The following TIPRL variants were observed in gnomAD, a reference collection of about 807,000 sequenced individuals.
TIPRL encodes the protein TOR signaling pathway regulator.
Under a neutral mutation model 32.3 loss-of-function variants are expected in TIPRL, and 10 were observed. That is an observed-to-expected ratio of 0.31 (90% CI 0.19 to 0.52). The LOEUF (loss-of-function observed/expected upper bound fraction) is 0.52. Ranked by LOEUF, TIPRL falls within the 20% of genes least tolerant of loss-of-function variation. The pLI is 0.96. For missense variants in TIPRL, 250 were observed against 328.1 expected (o/e 0.76, Z 1.84); for synonymous variants, 100 against 114.0 (o/e 0.88, Z 0.78).
At chr1:168,191,858 C>CG (rs1558164787) in intron 4 of TIPRL, among the ~76,000 whole-genome samples, 9 of 38,908 alleles carry the variant, frequency 2.3e-4, no homozygotes, top group South Asian at 1.9e-3. Context: ...GGCGACAGAG[C>CG]AAAAAAAAAA....
intron 3 of TIPRL, among the ~76,000 whole-genome samples, chr1:168,187,504 G>C (rs922040240): frequency 3.9e-5 from 6 of 152,206 alleles, no homozygotes; most frequent in Non-Finnish European, 8.8e-5. Context: ...GCTGATAAAT[G>C]TCAATGTGAT....
At chr1:168,190,724 G>T (rs985912440) in intron 3 of TIPRL, among the ~76,000 whole-genome samples, 2 of 152,312 alleles carry the variant, frequency 1.3e-5, no homozygotes, top group African/African-American at 2.4e-5. Flanking sequence ...ATGAGCTCCT[G>T]ATATGATCTG....
intron 4 of TIPRL, among the ~76,000 whole-genome samples, chr1:168,195,298 C>A (rs1169584491): frequency 6.6e-6 from 1 of 152,202 alleles, no homozygotes; most frequent in Non-Finnish European, 1.5e-5. Context: ...AATTCTCCTT[C>A]CCATCTCTAG....
chr1:168,199,856 T>G lies in TIPRL; in HGVS notation c.676-47T>G, dbSNP rs551185299. The stretch of plus-strand genomic sequence containing the variant: ...TTGAACCAAAACATTTGTAAAAAAT[T>G]TCAGTACAGTAACTGAATATGCTAA... On this transcript the variant is annotated intron_variant, in intron 6 of 6. Transcript: ENST00000367833. 22 of 1,551,822 alleles carry G rather than the reference T, an allele frequency of 1.4e-5. No homozygotes were observed. The Admixed American group carries it at 3.0e-4, about 21-fold the overall frequency.
Position 168,198,974 on chromosome 1 carries a change from G to A in TIPRL, c.668G>A (p.Ser223Asn). 1 of 1,610,530 alleles carries A rather than the reference G, an allele frequency of 6.2e-7. No homozygotes were observed. The highest frequency in any genetic ancestry group is 1.1e-5 in the South Asian group (1 of 90,718). The change falls in exon 6 of 7, where the codon AGT becomes AAT. Residue 223 changes from serine (S) to asparagine (N), a missense_variant. Ser to Asn is a conservative substitution (Grantham distance 46). Coordinates refer to ENST00000367833, the MANE Select transcript of TIPRL (RefSeq NM_152902.5). ...ACGTCACGAGAAAGCAAAATTTCTA[G>A]TTTGATGGCAAGTACTTAAATTTCA... is the stretch of plus-strand genomic sequence containing the variant. ...EYTSRESKISSLMHVPPSLFT... is the reference protein window; with the variant it reads ...EYTSRESKISNLMHVPPSLFT...
In TIPRL at chr1:168,184,878, G is replaced by A. The variant is rs1393144199; in HGVS notation, c.384G>A (p.Lys128=). The A allele has an allele frequency of 6.3e-7, 1 of 1,584,912 alleles. No individual in the cohort carries two copies. Among genetic ancestry groups the A allele is most frequent in the Non-Finnish European group, 8.7e-7 (1 of 1,155,946 alleles). Residue 128 remains lysine (K), a splice_region_variant and synonymous_variant, in exon 3 of 7, where the codon AAG becomes AAA. Transcript: ENST00000367833. ...TACTTGGAGAATCTCTTAAGTTAAA[G>A]GTAAATCTTACTTTTTTCTTTCATG... is the stretch of plus-strand genomic sequence containing the variant. ...GTLLGESLKL[K]VVPTTDHIDT... is the part of the protein sequence containing the mutation.
At chr1:168,189,269 T>G (rs909668568) in intron 3 of TIPRL, among the ~76,000 whole-genome samples, 1 of 152,208 alleles carries the variant, frequency 6.6e-6, no homozygotes, top group African/African-American at 2.4e-5. Context: ...AGTTTTTGGG[T>G]TTTTTTAGCC....
At position 168,179,047 on chromosome 1, in the gene TIPRL, C is replaced by T. The variant is rs753774115; in HGVS notation, c.-31C>T. ...GCCGCCGCCGCTGCTTCAGCTTATTCCTTGTGGCCTCTGCGGGTCCTGCCT... is the reference window on the plus strand; with the variant it reads ...GCCGCCGCCGCTGCTTCAGCTTATTTCTTGTGGCCTCTGCGGGTCCTGCCT... On this transcript the variant is annotated 5_prime_UTR_variant, in exon 1 of 7. Transcript: ENST00000367833. 1.9e-6 allele frequency: 3 copies of T among 1,598,534 alleles called. No homozygotes were observed. In the South Asian group the frequency reaches 3.3e-5, roughly 18 times the overall value.
chr1:168,185,114 C>T (rs1475640757), intron 3 of TIPRL, among the ~76,000 whole-genome samples: 2 of 152,168 alleles, frequency 1.3e-5, no homozygotes, highest in Non-Finnish European at 2.9e-5. Flanking sequence ...CAACGGCAGA[C>T]GGCCTTGTTG....
chr1:168,180,922 C>G (rs1479541976), intron 1 of TIPRL, among the ~76,000 whole-genome samples: 1 of 151,138 alleles, frequency 6.6e-6, no homozygotes, highest in East Asian at 1.9e-4. Flanking sequence ...CCTTGGCCCC[C>G]CAAAGTGCCG....
chr1:168,185,286 G>A (rs1700013060), intron 3 of TIPRL, among the ~76,000 whole-genome samples: 1 of 152,200 alleles, frequency 6.6e-6, no homozygotes, highest in Non-Finnish European at 1.5e-5. Flanking sequence ...TTTATGCCCT[G>A]TCTGCCCTGA....
At position 168,191,507 on chromosome 1, in the gene TIPRL, A is replaced by G. The variant is rs373966884; in HGVS notation, c.516+7A>G. ...AAGCCTGAGTGTGAAGATTGTGAGT[A>G]TTATTTTTATTTAAAATTAATATTT... On this transcript the variant is annotated splice_region_variant and intron_variant, in intron 4 of 6. Transcript: ENST00000367833. 1,531 of 1,471,718 alleles carry G rather than the reference A, an allele frequency of 1.0e-3. 36 individuals carry two copies. In the South Asian group the frequency reaches 0.021, roughly 21 times the overall value. The allele number at this position is 1,471,718 out of a possible 1,614,324, so 91.2% of individuals were successfully genotyped here.
At chr1:168,196,013 G>C (rs1284116625) in intron 4 of TIPRL, among the ~76,000 whole-genome samples, 1 of 152,184 alleles carries the variant, frequency 6.6e-6, no homozygotes, top group Non-Finnish European at 1.5e-5. Flanking sequence ...GGAATTTGTA[G>C]ATGTGCCACA....
At chr1:168,186,317 G>A (rs895097168) in intron 3 of TIPRL, among the ~76,000 whole-genome samples, 1 of 151,824 alleles carries the variant, frequency 6.6e-6, no homozygotes, top group African/African-American at 2.4e-5. Context: ...CCAACATAGT[G>A]AGACCGCACC....
chr1:168,196,710 C>A, intron 5 of TIPRL, 68 bp downstream of exon 5: 4 of 1,126,106 alleles, frequency 3.6e-6, no homozygotes, highest in Non-Finnish European at 5.0e-6. Context: ...AATTGTCAAT[C>A]TGAGAATTTG....
chr1:168,191,702 C>T (rs1700098477), intron 4 of TIPRL, among the ~76,000 whole-genome samples: 2 of 151,718 alleles, frequency 1.3e-5, no homozygotes, highest in Non-Finnish European at 1.5e-5. Flanking sequence ...GAAACCCCGT[C>T]TCTACTAAAA....
In TIPRL at chr1:168,196,529, C is replaced by CTTTT; in HGVS notation, c.517-8_517-5dup. 8.0e-7 allele frequency: 1 copy of CTTTT among 1,255,898 alleles called. No homozygotes were observed. Among genetic ancestry groups the CTTTT allele is most frequent in the Non-Finnish European group, 1.1e-6 (1 of 936,526 alleles). 77.8% of individuals were successfully genotyped at this position (1,255,898 alleles called of 1,614,324 possible). On this transcript the variant is annotated splice_polypyrimidine_tract_variant and intron_variant, in intron 4 of 6. Coordinates refer to ENST00000367833, the MANE Select transcript of TIPRL (RefSeq NM_152902.5). ...AATTTTTATTAAAATATTAATGTAC[C>CTTTT]TTTTTTTTTTTTTCCAGAGAGTAAT...
At chr1:168,182,114 A>G (rs1480565508) in intron 1 of TIPRL, among the ~76,000 whole-genome samples, 1 of 152,140 alleles carries the variant, frequency 6.6e-6, no homozygotes, top group Non-Finnish European at 1.5e-5. Context: ...GACAAAAGGA[A>G]GACTTACCCT....
At chr1:168,187,179 A>C (rs1023829414) in intron 3 of TIPRL, among the ~76,000 whole-genome samples, 1 of 152,218 alleles carries the variant, frequency 6.6e-6, no homozygotes, top group South Asian at 2.1e-4. Context: ...TTAGTCCCTT[A>C]TACTACTTCA....
Sources: allele counts gnomAD v4.1 joint callset (sites outside exome capture counted in the v4.1 genomes callset), GRCh38; gene constraint gnomAD v4.1.1; transcripts MANE v1.5; gene names NCBI Gene and HGNC (gene_info 2026-07-23, HGNC 2026-07-21).